TAF4B: variants seen among roughly 807,000 people sequenced by gnomAD.
The protein encoded by TAF4B is transcription initiation factor TFIID subunit 4B.
In TAF4B, 38 loss-of-function variants were observed where a neutral mutation model predicts 86.4. The ratio of observed to expected loss-of-function variants is 0.44; its 90% CI spans 0.34 to 0.58. The LOEUF (loss-of-function observed/expected upper bound fraction) is 0.58. Ranked by LOEUF, TAF4B falls within the 20% of genes least tolerant of loss-of-function variation. The pLI is 0.02. For missense variants in TAF4B, 988 were observed against 1,027.6 expected, an observed-to-expected ratio of 0.96 and a Z score of 0.53; for synonymous variants, 388 against 391.2, an observed-to-expected ratio of 0.99 and a Z score of 0.10.
chr18:26,280,043 CA>C (rs34693562), intron 5 of TAF4B, among the ~76,000 whole-genome samples: 114,640 of 144,690 alleles, frequency 0.79, 45,039 homozygotes, highest in East Asian at 0.88. Context: ...GACTCTATCT[CA>C]AAAAAAAAAA....
chr18:26,289,374 C>T (rs762176305), intron 7 of TAF4B, among the ~76,000 whole-genome samples: 9 of 152,200 alleles, frequency 5.9e-5, no homozygotes, highest in Non-Finnish European at 1.2e-4. Context: ...GTTCATCTAA[C>T]TCCATATGGT....
At chr18:26,345,545 C>G (rs2057170075) in intron 13 of TAF4B, among the ~76,000 whole-genome samples, 2 of 152,336 alleles carry the variant, frequency 1.3e-5, no homozygotes, top group Non-Finnish European at 2.9e-5. Context: ...CCACCTCCAC[C>G]ACAAACTCAG....
rs550229372 is a variant in TAF4B at position 26,284,978 on chromosome 18, T to A, written c.973-904T>A. On this transcript the variant is annotated intron_variant, in intron 6 of 14. Coordinates refer to ENST00000269142, the MANE Select transcript of TAF4B (RefSeq NM_005640.3). Reference sequence around the variant, plus strand: ...ATTTCTTTATTTTTATTTAAAAAAATTTTTTTTGAGATGAGGTTTTGCTCT... The same window carrying A: ...ATTTCTTTATTTTTATTTAAAAAAAATTTTTTTGAGATGAGGTTTTGCTCT... 3.0e-4 allele frequency among the ~76,000 whole-genome samples: 46 copies of A among 151,928 alleles called. No homozygotes were observed. The East Asian group carries it at 6.2e-3, about 20-fold the overall frequency.
At chr18:26,293,645 A>G (rs535385725) in intron 9 of TAF4B, 114 bp downstream of exon 9, 1 of 609,546 alleles carries the variant, frequency 1.6e-6, no homozygotes, top group Non-Finnish European at 2.8e-6. Flanking sequence ...TTACAAAGCT[A>G]ACAGTACTTT....
rs76771271 is a variant in TAF4B at position 26,230,748 on chromosome 18, C to T, written c.343+3472C>T. Among the ~76,000 whole-genome samples, 652 of 152,218 alleles carry T rather than the reference C, an allele frequency of 4.3e-3. 3 individuals carry two copies. The highest frequency in any genetic ancestry group is 0.015 in the African/African-American group (622 of 41,520). ...ACAAGGTCCTTTTTGATTACAAGTC[C>T]CTGCTTCTGTAATCAGGGACTCTAT... On this transcript the variant is annotated intron_variant, in intron 1 of 14. Transcript: ENST00000269142.
chr18:26,359,253 A>G (rs930168786), intron 14 of TAF4B, among the ~76,000 whole-genome samples: 1 of 152,162 alleles, frequency 6.6e-6, no homozygotes, highest in African/African-American at 2.4e-5. Context: ...AATTTATTCA[A>G]CCAACCCTCC....
At chr18:26,384,299 C>T (rs1978311070) in intron 14 of TAF4B, among the ~76,000 whole-genome samples, 2 of 152,108 alleles carry the variant, frequency 1.3e-5, no homozygotes, top group Non-Finnish European at 2.9e-5. Context: ...ACAAATTTTG[C>T]TTTTATTAGT....
chr18:26,298,037 C>T (rs868710675), intron 9 of TAF4B, among the ~76,000 whole-genome samples: 2 of 98,824 alleles, frequency 2.0e-5, no homozygotes, highest in African/African-American at 8.0e-5. Flanking sequence ...TGTCTCTCCC[C>T]GCCCCCCACC....
At chr18:26,259,710 T>C (rs1187811823) in intron 1 of TAF4B, among the ~76,000 whole-genome samples, 1 of 152,194 alleles carries the variant, frequency 6.6e-6, no homozygotes, top group Non-Finnish European at 1.5e-5. Context: ...TGGTTCCAAG[T>C]CTTTGCTATT....
At chr18:26,340,354 A>G (rs1245754726) in intron 13 of TAF4B, among the ~76,000 whole-genome samples, 1 of 152,212 alleles carries the variant, frequency 6.6e-6, no homozygotes, top group Non-Finnish European at 1.5e-5. Flanking sequence ...TTTAAACTTC[A>G]TGCAAGTTCT....
intron 13 of TAF4B, among the ~76,000 whole-genome samples, chr18:26,350,034 C>T (rs1463766020): frequency 6.6e-6 from 1 of 152,098 alleles, no homozygotes; most frequent in African/African-American, 2.4e-5. Context: ...ATGTACACCT[C>T]CACCTCTTAC....
chr18:26,293,596 A>T, intron 9 of TAF4B, 65 bp downstream of exon 9: 2 of 972,048 alleles, frequency 2.1e-6, no homozygotes, highest in South Asian at 3.5e-5. Flanking sequence ...GAGAGATGAC[A>T]GAATAATACC....
intron 11 of TAF4B, among the ~76,000 whole-genome samples, chr18:26,323,171 G>GT (rs1189298832): frequency 6.6e-6 from 1 of 152,136 alleles, no homozygotes; most frequent in Non-Finnish European, 1.5e-5. Flanking sequence ...CCTGGAAAAT[G>GT]TTTCATGTGC....
intron 9 of TAF4B, among the ~76,000 whole-genome samples, chr18:26,313,561 A>G (rs975387529): frequency 6.6e-6 from 1 of 152,172 alleles, no homozygotes; most frequent in Non-Finnish European, 1.5e-5. Flanking sequence ...TTTCCCCATT[A>G]CAGAGACATG....
chr18:26,263,199 C>T (rs2056194145), intron 1 of TAF4B, among the ~76,000 whole-genome samples: 2 of 152,176 alleles, frequency 1.3e-5, no homozygotes, highest in African/African-American at 4.8e-5. Context: ...AGAGATCCTC[C>T]TGCCTTAGCC....
intron 1 of TAF4B, among the ~76,000 whole-genome samples, chr18:26,247,319 G>T (rs1022210105): frequency 9.8e-5 from 15 of 152,316 alleles, no homozygotes; most frequent in Middle Eastern, 3.4e-3. Context: ...TTGCACAGCA[G>T]AAGTGTCATG....
chr18:26,305,113 A>T (rs534556212), intron 9 of TAF4B, among the ~76,000 whole-genome samples: 39 of 152,158 alleles, frequency 2.6e-4, no homozygotes, highest in Non-Finnish European at 5.3e-4. Flanking sequence ...TTGAATTCTA[A>T]TGTATCCTTT....
At chr18:26,320,325 A>C (rs572550191) in intron 10 of TAF4B, among the ~76,000 whole-genome samples, 1 of 152,184 alleles carries the variant, frequency 6.6e-6, no homozygotes. Flanking sequence ...GAGAAGTACT[A>C]TTTAAATTAC....
At chr18:26,360,975 CAT>C (rs2057324335) in intron 14 of TAF4B, among the ~76,000 whole-genome samples, 1 of 152,080 alleles carries the variant, frequency 6.6e-6, no homozygotes, top group African/African-American at 2.4e-5. Flanking sequence ...TTTTAATAGT[CAT>C]ATGCTGCTAG....
Sources: allele counts gnomAD v4.1 joint callset (sites outside exome capture counted in the v4.1 genomes callset), GRCh38; gene constraint gnomAD v4.1.1; transcripts MANE v1.5; gene names NCBI Gene and HGNC (gene_info 2026-07-23, HGNC 2026-07-21).